Variants in METTL23 observed in about 807,000 individuals in gnomAD.
METTL23 encodes the protein histone-arginine methyltransferase METTL23.
Under a neutral mutation model 21.2 loss-of-function variants are expected in METTL23, and 24 were observed. That is an observed-to-expected ratio of 1.13 (90% CI 0.82 to 1.59). The LOEUF is 1.59. Ranked by LOEUF, METTL23 falls within the 40% of genes most tolerant of loss-of-function variation. The probability of loss-of-function intolerance (pLI) is 0.00; values close to 1 mark genes in which losing one functional copy is unlikely to be tolerated. For synonymous variants in METTL23, 97 were observed against 75.2 expected (o/e 1.29, Z -1.50); for missense variants, 276 against 221.4 (o/e 1.25, Z -1.57).
At chr17:76,729,088 C>T (rs1037747540) in intron 1 of METTL23, among the ~76,000 whole-genome samples, 2 of 151,344 alleles carry the variant, frequency 1.3e-5, no homozygotes, top group African/African-American at 2.4e-5. Context: ...CGTGACCCAC[C>T]ACGCCCGGCC....
At chr17:76,727,908 G>A (rs1050851740) in intron 1 of METTL23, among the ~76,000 whole-genome samples, 5 of 152,124 alleles carry the variant, frequency 3.3e-5, no homozygotes, top group African/African-American at 7.2e-5. Context: ...GTTTTTCAAA[G>A]CACTTTCACT....
intron 1 of METTL23, among the ~76,000 whole-genome samples, chr17:76,729,155 G>A (rs8069657): frequency 0.99 from 150,081 of 151,354 alleles, 74,419 homozygotes; most frequent in East Asian, 1. Context: ...CAGTGGCGCA[G>A]TCTCGGCTCA....
In METTL23 at chr17:76,726,870, T is replaced by G. The variant is rs1475695508; in HGVS notation, c.-330T>G. 4.6e-6 allele frequency: 2 copies of G among 438,790 alleles called. No homozygotes were observed. Among genetic ancestry groups the G allele is most frequent in the Non-Finnish European group, 9.4e-6 (2 of 213,844 alleles). 27.2% of individuals were successfully genotyped at this position (438,790 alleles called of 1,614,324 possible). On this transcript the variant is annotated 5_prime_UTR_variant, in exon 1 of 5. Transcript: ENST00000341249. Reference sequence around the variant, plus strand: ...GGTCGCGCCAGCCGCCCGTTGCCAGTTCTGCGCGTGTGAGTCTCTTTCGCC... The same window carrying G: ...GGTCGCGCCAGCCGCCCGTTGCCAGGTCTGCGCGTGTGAGTCTCTTTCGCC...
In METTL23 at chr17:76,728,699, C is replaced by T. The variant is rs572696667; in HGVS notation, c.-21-991C>T. Among the ~76,000 whole-genome samples, 3 of 152,118 alleles carry T rather than the reference C, an allele frequency of 2.0e-5. No individual in the cohort carries two copies. The East Asian group carries it at 5.8e-4, about 29-fold the overall frequency. ...GTGCTGGGATTACAGGTGTAAGCCA[C>T]CGCTCCCGGCTGGCTTCACGTTTAA... On this transcript the variant is annotated intron_variant, in intron 1 of 4. Transcript: ENST00000341249.
In METTL23 at chr17:76,733,635, A is replaced by G. The variant is rs2077344706; in HGVS notation, c.522A>G (p.Gly174=). The G allele has an allele frequency of 3.1e-6, 5 of 1,613,956 alleles. No individual in the cohort carries two copies. The highest frequency in any genetic ancestry group is 4.2e-6 in the Non-Finnish European group (5 of 1,179,876). ...KEDIAESTLP[G]RHTVEMLVIS... is the part of the protein sequence containing the mutation. ...ATATAGCAGAATCTACCCTTCCAGG[A>G]AGACATACAGTTGAAATGCTGGTCA... Residue 174 remains glycine, a synonymous_variant, in exon 5 of 5, where the codon GGA becomes GGG. Transcript: ENST00000341249.
In METTL23 at chr17:76,726,841, T is replaced by A. The variant is rs1319537331; in HGVS notation, c.-359T>A. On this transcript the variant is annotated 5_prime_UTR_variant, in exon 1 of 5. Coordinates refer to ENST00000341249, the MANE Select transcript of METTL23 (RefSeq NM_001080510.5). ...CCCGCGCTGCCGCTGTGCCCATCACTTCCGGTCGCGCCAGCCGCCCGTTGC... is the reference window on the plus strand; with the variant it reads ...CCCGCGCTGCCGCTGTGCCCATCACATCCGGTCGCGCCAGCCGCCCGTTGC... The A allele has an allele frequency of 5.0e-6, 2 of 402,652 alleles. No individual in the cohort carries two copies. Among genetic ancestry groups the A allele is most frequent in the Admixed American group, 5.5e-5 (2 of 36,368 alleles). The allele number at this position is 402,652 out of a possible 1,614,324, so 24.9% of individuals were successfully genotyped here.
rs1462161137 is a variant in METTL23 at position 76,733,042 on chromosome 17, C to CA, written c.150dup (p.Asp51ArgfsTer20). ...AAATGTGGTGCAGAAGTAATACTGT[C>CA]AGACAGCTCAGAACTGCCTCACTGT... On this transcript the variant is annotated frameshift_variant, in exon 3 of 5. Coordinates refer to ENST00000341249, the MANE Select transcript of METTL23 (RefSeq NM_001080510.5). LOFTEE classifies it high-confidence loss of function. 2.5e-6 allele frequency: 4 copies of CA among 1,601,638 alleles called. No homozygotes were observed. Among genetic ancestry groups the CA allele is most frequent in the African/African-American group, 1.3e-5 (1 of 74,738 alleles).
chr17:76,728,761 G>T (rs1598399450), intron 1 of METTL23, among the ~76,000 whole-genome samples: 1 of 145,662 alleles, frequency 6.9e-6, no homozygotes, highest in East Asian at 2.1e-4. Context: ...AGGGGGTGAT[G>T]ATATTGCCTG....
chr17:76,729,648 A>G (rs1457150621), intron 1 of METTL23, 42 bp from the exon 2 acceptor site: 3 of 1,351,280 alleles, frequency 2.2e-6, no homozygotes, highest in African/African-American at 2.9e-5. Flanking sequence ...TCCAACTTCC[A>G]GCAGCTAAAT....
chr17:76,726,741 A>G (rs2076949707), upstream of METTL23: 1 of 471,264 alleles, frequency 2.1e-6, no homozygotes, highest in Non-Finnish European at 3.9e-6. Context: ...ACTCCTTCAC[A>G]TACGGCGGGC....
chr17:76,727,200 A>C, intron 1 of METTL23, 22 bp downstream of exon 1: 1 of 385,130 alleles, frequency 2.6e-6, no homozygotes, highest in Admixed American at 3.3e-5. Flanking sequence ...AGCACCCGCC[A>C]GGAGGCGCCT....
Position 76,733,018 on chromosome 17 carries a change from A to G in METTL23, c.125A>G (p.Lys42Arg), listed in dbSNP as rs766240194. The G allele has an allele frequency of 5.0e-6, 8 of 1,593,410 alleles. No individual in the cohort carries two copies. Among genetic ancestry groups the G allele is most frequent in the Admixed American group, 3.6e-5 (2 of 56,328 alleles). Residue 42 changes from lysine to arginine, a missense_variant, in exon 3 of 5, where the codon AAA (lysine) becomes AGA (arginine). By Grantham distance (26) the Lys-to-Arg change is conservative (BLOSUM62 2). Transcript: ENST00000341249. ...GVSLPGILAA[K>R]CGAEVILSDS... is the part of the protein sequence containing the mutation. ...AGCCTTCCAGGAATTTTGGCTGCCA[A>G]ATGTGGTGCAGAAGTAATACTGTCA...
Position 76,733,743 on chromosome 17 carries a change from C to G in METTL23, c.*57C>G. On this transcript the variant is annotated 3_prime_UTR_variant, in exon 5 of 5. Coordinates refer to ENST00000341249, the MANE Select transcript of METTL23 (RefSeq NM_001080510.5). Reference sequence around the variant, plus strand: ...CAATACTGATGAGCAACCTGGCACACAAACTATGAGCAGACCACTTCAGCT... The same window carrying G: ...CAATACTGATGAGCAACCTGGCACAGAAACTATGAGCAGACCACTTCAGCT... 3.3e-6 allele frequency: 5 copies of G among 1,499,254 alleles called. No homozygotes were observed. Among genetic ancestry groups the G allele is most frequent in the Non-Finnish European group, 1.8e-6 (2 of 1,104,114 alleles). The allele number at this position is 1,499,254 out of a possible 1,614,324, so 92.9% of individuals were successfully genotyped here.
At chr17:76,729,236 G>C (rs1178749976) in intron 1 of METTL23, among the ~76,000 whole-genome samples, 2 of 151,884 alleles carry the variant, frequency 1.3e-5, no homozygotes, top group African/African-American at 4.8e-5. Context: ...GTGCCACCAT[G>C]CCCGGCTAAT....
chr17:76,727,642 T>C (rs2077002093), intron 1 of METTL23, among the ~76,000 whole-genome samples: 1 of 152,252 alleles, frequency 6.6e-6, no homozygotes, highest in Non-Finnish European at 1.5e-5. Context: ...GGGTTTCCAG[T>C]TTTATTTGGT....
chr17:76,729,203 G>T (rs1021596029), intron 1 of METTL23, among the ~76,000 whole-genome samples: 1 of 151,608 alleles, frequency 6.6e-6, no homozygotes, highest in Non-Finnish European at 1.5e-5. Flanking sequence ...CGATTTTCCC[G>T]CCTCAGCTGG....
chr17:76,726,554 G>C, upstream of METTL23: 1 of 1,494,830 alleles, frequency 6.7e-7, no homozygotes, highest in Non-Finnish European at 8.9e-7. Flanking sequence ...TCCCCGGCCT[G>C]GGCGGCGGCG....
intron 2 of METTL23, 97 bp from the exon 3 acceptor site, chr17:76,732,881 T>C (rs1162140266): frequency 3.9e-6 from 4 of 1,025,230 alleles, no homozygotes; most frequent in East Asian, 2.6e-5. Context: ...TCTATGCTTA[T>C]TTAAAAATGC....
Position 76,733,293 on chromosome 17 carries a change from A to G in METTL23, c.323A>G (p.Asp108Gly). The G allele has an allele frequency of 1.2e-6, 2 of 1,613,942 alleles. No individual in the cohort carries two copies. The highest frequency in any genetic ancestry group is 1.7e-6 in the Non-Finnish European group (2 of 1,179,838). ...LASDVFFEPE[D>G]FEDILATIYF... is the part of the protein sequence containing the mutation. ...CTATTCATAAATCCTTTCTCCTCAGATTTTGAAGACATTTTGGCTACAATA... is the reference window on the plus strand; with the variant it reads ...CTATTCATAAATCCTTTCTCCTCAGGTTTTGAAGACATTTTGGCTACAATA... The change falls in exon 4 of 5, where the codon GAT (aspartate) becomes GGT (glycine). Residue 108 changes from aspartate to glycine, a missense_variant and splice_region_variant. By Grantham distance (94) the Asp-to-Gly change is moderately conservative (BLOSUM62 -1). Transcript: ENST00000341249.
Sources: gnomAD v4.1 joint callset for allele counts (sites outside exome capture counted in the v4.1 genomes callset) on GRCh38, gnomAD v4.1.1 for gene constraint, MANE v1.5 for transcripts, NCBI Gene and HGNC (gene_info 2026-07-23, HGNC 2026-07-21) for gene names.